IL15RA: variants seen among roughly 807,000 people sequenced by gnomAD.
IL15RA encodes the protein interleukin 15 receptor subunit alpha.
A neutral mutation model predicts 24.2 loss-of-function variants in IL15RA; 26 were observed. The observed-to-expected ratio is 1.07, with a 90% confidence interval of 0.79 to 1.49. IL15RA has a LOEUF of 1.49. Ranked by LOEUF, IL15RA falls within the 40% of genes most tolerant of loss-of-function variation. IL15RA has a pLI of 0.00. For synonymous variants in IL15RA, 166 were observed against 157.6 expected (o/e 1.05, Z -0.40); for missense variants, 354 against 356.4 (o/e 0.99, Z 0.05).
rs369106016 is a variant in IL15RA at position 5,959,790 on chromosome 10, C to T, written c.584-4G>A. ...CTGTGGCCCTGTGGATACACACCTG[C>T]GGAAAAGAGAGGACAGCATCACGGC... On this transcript the variant is annotated splice_polypyrimidine_tract_variant and splice_region_variant and intron_variant, in intron 4 of 6. Coordinates refer to ENST00000379977, the MANE Select transcript of IL15RA (RefSeq NM_002189.4). This position sits in a 1 kb window ranked among gnomAD's most constrained non-coding sequence, Gnocchi z 4.1. 5.0e-5 allele frequency: 81 copies of T among 1,613,694 alleles called. No homozygotes were observed. The African/African-American group carries it at 8.8e-4, about 18-fold the overall frequency.
chr10:5,951,915 C>T (rs1833904102), downstream of IL15RA, among the ~76,000 whole-genome samples: 1 of 152,128 alleles, frequency 6.6e-6, no homozygotes, highest in East Asian at 1.9e-4. Context: ...CTGCCTCGGC[C>T]TCCTGAAGTG....
Position 5,953,110 on chromosome 10 carries a change from G to A in IL15RA, c.789C>T (p.Cys263=). ...TSSRDEDLEN[C]SHHL The stretch of plus-strand genomic sequence containing the variant: ...TCCCCGAGTTTCATAGGTGGTGAGA[G>A]CAGTTTTCCAAGTCTTCATCTCTGC... The change falls in exon 7 of 7, where the codon TGC becomes TGT. Residue 263 remains cysteine, a synonymous_variant. Transcript: ENST00000379977. The surrounding 1 kb of genome is among the most constrained non-coding windows in gnomAD (Gnocchi z 5.3). The A allele has an allele frequency of 6.2e-7, 1 of 1,613,238 alleles. No individual in the cohort carries two copies. Among genetic ancestry groups the A allele is most frequent in the Non-Finnish European group, 8.5e-7 (1 of 1,179,130 alleles).
rs1404779337 is a variant in IL15RA, at chr10:5,966,815, A to G, written c.89-476T>C. 6.6e-6 allele frequency among the ~76,000 whole-genome samples: 1 copy of G among 152,058 alleles called. No individual in the cohort carries two copies. Among genetic ancestry groups the G allele is most frequent in the Non-Finnish European group, 1.5e-5 (1 of 68,008 alleles). On this transcript the variant is annotated intron_variant, in intron 1 of 6. Transcript: ENST00000379977. This position sits in a 1 kb window ranked among gnomAD's most constrained non-coding sequence, Gnocchi z 6.4. ...GTGACACCCCATCTTTATTAAAAAT[A>G]CAAAAAATTAGCCGGGCGTGGTGGC...
Position 5,960,219 on chromosome 10 carries a change from G to A in IL15RA, c.583+148C>T. The A allele has an allele frequency of 1.6e-5, 12 of 753,470 alleles. No individual in the cohort carries two copies. Among genetic ancestry groups the A allele is most frequent in the East Asian group, 2.6e-5 (1 of 38,960 alleles). 46.7% of individuals were successfully genotyped at this position (753,470 alleles called of 1,614,324 possible). On this transcript the variant is annotated intron_variant, in intron 4 of 6. Transcript: ENST00000379977. This position sits in a 1 kb window ranked among gnomAD's most constrained non-coding sequence, Gnocchi z 5.1. Reference sequence around the variant, plus strand: ...ACGGAGAAAGAGGTCAGGCCAGGACGCCGTGGCTGGTGGCCGGGGCCAGCA... The same window carrying A: ...ACGGAGAAAGAGGTCAGGCCAGGACACCGTGGCTGGTGGCCGGGGCCAGCA...
chr10:5,967,006 C>T lies in IL15RA; in HGVS notation c.89-667G>A, dbSNP rs1836675987. The stretch of plus-strand genomic sequence containing the variant: ...TCAAATGATCTGCCCGCCTCGGCCT[C>T]CCAAAGTGCTGGGATTACAGGTGTG... On this transcript the variant is annotated intron_variant, in intron 1 of 6. Coordinates refer to ENST00000379977, the MANE Select transcript of IL15RA (RefSeq NM_002189.4). The surrounding 1 kb of genome is among the most constrained non-coding windows in gnomAD (Gnocchi z 4.4). 6.6e-6 allele frequency among the ~76,000 whole-genome samples: 1 copy of T among 152,056 alleles called. No individual in the cohort carries two copies. The highest frequency in any genetic ancestry group is 6.5e-5 in the Admixed American group (1 of 15,276).
Position 5,958,635 on chromosome 10 carries a change from C to G in IL15RA, c.616+1119G>C, listed in dbSNP as rs8177710. 0.026 allele frequency among the ~76,000 whole-genome samples: 3,947 copies of G among 152,264 alleles called. 84 individuals carry two copies. The highest frequency in any genetic ancestry group is 0.063 in the African/African-American group (2,610 of 41,542). ...CTCCTGGCCTCCAGTGATCAGCCCCCCTCGGCCTCCCAAACTGCTGGGATT... is the reference window on the plus strand; with the variant it reads ...CTCCTGGCCTCCAGTGATCAGCCCCGCTCGGCCTCCCAAACTGCTGGGATT... On this transcript the variant is annotated intron_variant, in intron 5 of 6. Coordinates refer to ENST00000379977, the MANE Select transcript of IL15RA (RefSeq NM_002189.4). This position sits in a 1 kb window ranked among gnomAD's most constrained non-coding sequence, Gnocchi z 4.3.
In IL15RA at chr10:5,958,912, G is replaced by A. The variant is rs1421584460; in HGVS notation, c.616+842C>T. Among the ~76,000 whole-genome samples the A allele has an allele frequency of 1.3e-5, 2 of 152,088 alleles. No homozygotes were observed. Among genetic ancestry groups the A allele is most frequent in the Non-Finnish European group, 2.9e-5 (2 of 68,028 alleles). ...AGCTTGTCAGCCTGGAGCATGACTTGCATTCTTCTCATTACCTGCGTTCTT... is the reference window on the plus strand; with the variant it reads ...AGCTTGTCAGCCTGGAGCATGACTTACATTCTTCTCATTACCTGCGTTCTT... On this transcript the variant is annotated intron_variant, in intron 5 of 6. Transcript: ENST00000379977. This position sits in a 1 kb window ranked among gnomAD's most constrained non-coding sequence, Gnocchi z 4.3.
Position 5,963,820 on chromosome 10 carries a change from TG to T in IL15RA, c.304del (p.Gln102LysfsTer9), listed in dbSNP as rs1836010209. ...KCIRDPALVH[Q>X]RPAPPSTVTT... ...TACTGTGGAGGGTGGCGCTGGCCTT[TG>T]GTGAACCAGGGCAGGGTCTCCTAGA... On this transcript the variant is annotated frameshift_variant, in exon 3 of 7. Coordinates refer to ENST00000379977, the MANE Select transcript of IL15RA (RefSeq NM_002189.4). LOFTEE classifies it high-confidence loss of function. The surrounding 1 kb of genome is among the most constrained non-coding windows in gnomAD (Gnocchi z 5.3). 1 of 1,552,912 alleles carries T rather than the reference TG, an allele frequency of 6.4e-7. No individual in the cohort carries two copies. Among genetic ancestry groups the T allele is most frequent in the Non-Finnish European group, 8.6e-7 (1 of 1,158,440 alleles).
rs1411141612 is a variant in IL15RA at position 5,967,743 on chromosome 10, C to G, written c.89-1404G>C. Among the ~76,000 whole-genome samples the G allele has an allele frequency of 2.0e-5, 3 of 152,118 alleles. No individual in the cohort carries two copies. Among genetic ancestry groups the G allele is most frequent in the African/African-American group, 7.2e-5 (3 of 41,436 alleles). Reference sequence around the variant, plus strand: ...GTTGGTACATGCCCCTGGAAAAGTGCAAGTGTGGCCGGAAGTAAATTCGAT... The same window carrying G: ...GTTGGTACATGCCCCTGGAAAAGTGGAAGTGTGGCCGGAAGTAAATTCGAT... On this transcript the variant is annotated intron_variant, in intron 1 of 6. Transcript: ENST00000379977. This position sits in a 1 kb window ranked among gnomAD's most constrained non-coding sequence, Gnocchi z 4.4.
chr10:5,977,637 G>T, upstream of IL15RA: 1 of 1,257,518 alleles, frequency 8.0e-7, no homozygotes, highest in Non-Finnish European at 1.0e-6. Context: ...GGCTCGGAGA[G>T]GTGCAAAGCG....
Position 5,960,897 on chromosome 10 carries a change from C to T in IL15RA, c.383-330G>A, listed in dbSNP as rs1835398410. On this transcript the variant is annotated intron_variant, in intron 3 of 6. Transcript: ENST00000379977. The surrounding 1 kb of genome is among the most constrained non-coding windows in gnomAD (Gnocchi z 5.1). ...AGGAGTTTAAGACCAGCCTGGGCAA[C>T]ACAGCAAGACCCTGTTTCTTTTCCT... 6.6e-6 allele frequency among the ~76,000 whole-genome samples: 1 copy of T among 152,116 alleles called. No homozygotes were observed. The highest frequency in any genetic ancestry group is 1.5e-5 in the Non-Finnish European group (1 of 68,018).
rs1337626708 is a variant in IL15RA at position 5,975,223 on chromosome 10, G to A, written c.88+2182C>T. Among the ~76,000 whole-genome samples, 1 of 150,910 alleles carries A rather than the reference G, an allele frequency of 6.6e-6. No homozygotes were observed. Among genetic ancestry groups the A allele is most frequent in the Non-Finnish European group, 1.5e-5 (1 of 68,024 alleles). ...GAATGGCTAAACAAATGATGGGCTAGCCATGGGTAGAATACTACTACTCAA... is the reference window on the plus strand; with the variant it reads ...GAATGGCTAAACAAATGATGGGCTAACCATGGGTAGAATACTACTACTCAA... On this transcript the variant is annotated intron_variant, in intron 1 of 6. Coordinates refer to ENST00000379977, the MANE Select transcript of IL15RA (RefSeq NM_002189.4). This position sits in a 1 kb window ranked among gnomAD's most constrained non-coding sequence, Gnocchi z 4.8.
In IL15RA at chr10:5,953,770, G is replaced by C. The variant is rs1834121440; in HGVS notation, c.693-564C>G. 1 of 183,630 alleles carries C rather than the reference G, an allele frequency of 5.4e-6. No homozygotes were observed. The highest frequency in any genetic ancestry group is 5.4e-5 in the Admixed American group (1 of 18,478). 11.4% of individuals were successfully genotyped at this position (183,630 alleles called of 1,614,324 possible). A position where few individuals can be genotyped will look rare whatever the true frequency, so the allele number is the denominator to read the frequency against. On this transcript the variant is annotated intron_variant, in intron 6 of 6. Coordinates refer to ENST00000379977, the MANE Select transcript of IL15RA (RefSeq NM_002189.4). This position sits in a 1 kb window ranked among gnomAD's most constrained non-coding sequence, Gnocchi z 5.3. ...TTTTAAAAACAGTTCTTAGCACTTA[G>C]TATGTGTGAAATAAATAAAGAAATA...
At chr10:5,956,559 C>A in intron 5 of IL15RA, 105 bp from the exon 6 acceptor site, 2 of 793,856 alleles carry the variant, frequency 2.5e-6, no homozygotes, top group East Asian at 2.6e-5. Flanking sequence ...AAGTGCCTCC[C>A]AACCAGCCTC....
In IL15RA at chr10:5,960,663, A is replaced by G; in HGVS notation, c.383-96T>C. ...GATGTGGGAGCTGCCATAGTGAGTC[A>G]CCCTGACCAGCCCTCCCTCTCTCAC... On this transcript the variant is annotated intron_variant, in intron 3 of 6. Transcript: ENST00000379977. This position sits in a 1 kb window ranked among gnomAD's most constrained non-coding sequence, Gnocchi z 5.1. 1 of 1,020,330 alleles carries G rather than the reference A, an allele frequency of 9.8e-7. No individual in the cohort carries two copies. The highest frequency in any genetic ancestry group is 1.5e-6 in the Non-Finnish European group (1 of 668,636). 63.2% of individuals were successfully genotyped at this position (1,020,330 alleles called of 1,614,324 possible). A position where few individuals can be genotyped will look rare whatever the true frequency, so the allele number is the denominator to read the frequency against.
rs1019185046 is a variant in IL15RA at position 5,967,918 on chromosome 10, A to T, written c.89-1579T>A. ...TACTAAAATACAAAAAATTAGCTGG[A>T]TGTGGTGGTGGGCGCCTGTAATCCC... On this transcript the variant is annotated intron_variant, in intron 1 of 6. Coordinates refer to ENST00000379977, the MANE Select transcript of IL15RA (RefSeq NM_002189.4). This position sits in a 1 kb window ranked among gnomAD's most constrained non-coding sequence, Gnocchi z 4.4. 6.6e-6 allele frequency among the ~76,000 whole-genome samples: 1 copy of T among 151,880 alleles called. No individual in the cohort carries two copies.
In IL15RA at chr10:5,975,447, T is replaced by C. The variant is rs1342246984; in HGVS notation, c.88+1958A>G. ...GACTGTGCAGGGCATGAGGAAGTCT[T>C]TGGGAGTGATAGTTGTGTTCACTCT... On this transcript the variant is annotated intron_variant, in intron 1 of 6. Transcript: ENST00000379977. The surrounding 1 kb of genome is among the most constrained non-coding windows in gnomAD (Gnocchi z 4.8). 1.3e-5 allele frequency among the ~76,000 whole-genome samples: 2 copies of C among 150,228 alleles called. No individual in the cohort carries two copies. Among genetic ancestry groups the C allele is most frequent in the African/African-American group, 2.5e-5 (1 of 39,844 alleles).
In IL15RA at chr10:5,965,779, G is replaced by C. The variant is rs1836411937; in HGVS notation, c.283+366C>G. Among the ~76,000 whole-genome samples the C allele has an allele frequency of 6.6e-6, 1 of 152,128 alleles. No individual in the cohort carries two copies. The highest frequency in any genetic ancestry group is 2.4e-5 in the African/African-American group (1 of 41,402). On this transcript the variant is annotated intron_variant, in intron 2 of 6. Coordinates refer to ENST00000379977, the MANE Select transcript of IL15RA (RefSeq NM_002189.4). The surrounding 1 kb of genome is among the most constrained non-coding windows in gnomAD (Gnocchi z 5.8). ...TGTGTCACCCAGGCTGGAGTGCAGT[G>C]GTGTGATCGCGGCTCACTGTGACCT...
chr10:5,957,264 C>T (rs1834676292), intron 5 of IL15RA, among the ~76,000 whole-genome samples: 1 of 151,244 alleles, frequency 6.6e-6, no homozygotes, highest in African/African-American at 2.4e-5. Context: ...TCCAGTCTAC[C>T]TACAACTTTT....
Sources: gnomAD v4.1 joint callset for allele counts (sites outside exome capture counted in the v4.1 genomes callset) on GRCh38, gnomAD v4.1.1 for gene constraint, Gnocchi (gnomAD v3.1) non-coding constraint, MANE v1.5 for transcripts, NCBI Gene and HGNC (gene_info 2026-07-23, HGNC 2026-07-21) for gene names.